TUSC3: variants seen among roughly 807,000 people sequenced by gnomAD.
The protein encoded by TUSC3 is tumor suppressor candidate 3.
TUSC3 carries 45 observed loss-of-function variants against 44.8 expected under a neutral mutation model. That is an observed-to-expected ratio of 1.00 (90% confidence interval 0.79 to 1.29). The LOEUF (loss-of-function observed/expected upper bound fraction) is 1.29. Ranked by LOEUF, TUSC3 falls within the 50% of genes most tolerant of loss-of-function variation. The pLI is 0.00. For missense variants in TUSC3, 519 were observed against 437.9 expected, an observed-to-expected ratio of 1.19 and a Z score of -1.65; for synonymous variants, 212 against 152.9, an observed-to-expected ratio of 1.39 and a Z score of -2.85.
the TUSC3 span, among the ~76,000 whole-genome samples, chr8:15,843,505 T>C: frequency 1.3e-5 from 2 of 151,604 alleles, no homozygotes; most frequent in Non-Finnish European, 1.5e-5. Context: ...GGCAGTTGGA[T>C]AGAAGAGATA....
chr8:15,608,233 G>A (rs1804615762), intron 1 of TUSC3, among the ~76,000 whole-genome samples: 1 of 151,632 alleles, frequency 6.6e-6, no homozygotes, highest in African/African-American at 2.4e-5. Context: ...TGAGTTCTTG[G>A]TTATATTTTA....
At chr8:15,640,800 C>T (rs1806331117) in intron 2 of TUSC3, among the ~76,000 whole-genome samples, 1 of 152,136 alleles carries the variant, frequency 6.6e-6, no homozygotes. Flanking sequence ...GACCTGGCTG[C>T]TGCTCTCATT....
chr8:15,810,580 A>G, the TUSC3 span, among the ~76,000 whole-genome samples: 7 of 151,954 alleles, frequency 4.6e-5, no homozygotes, highest in Admixed American at 4.6e-4. Flanking sequence ...CAAGGCTGCA[A>G]TGAGCCATGA....
Position 15,659,762 on chromosome 8 carries a change from A to C in TUSC3, c.567+115A>C, listed in dbSNP as rs747077947. The C allele has an allele frequency of 2.3e-5, 33 of 1,407,948 alleles. No individual in the cohort carries two copies. The African/African-American group carries it at 2.7e-4, about 11-fold the overall frequency. The allele number at this position is 1,407,948 out of a possible 1,614,324, so 87.2% of individuals were successfully genotyped here. A position where few individuals can be genotyped will look rare whatever the true frequency, so the allele number is the denominator to read the frequency against. Reference sequence around the variant, plus strand: ...TTTCTCTATGGTTGTTTCTCCTTGCATAGAGAAAACTGTTCGATTACTGCA... The same window carrying C: ...TTTCTCTATGGTTGTTTCTCCTTGCCTAGAGAAAACTGTTCGATTACTGCA... On this transcript the variant is annotated intron_variant, in intron 4 of 10. Transcript: ENST00000503731.
At chr8:15,667,335 A>G (rs1177302466) in intron 5 of TUSC3, among the ~76,000 whole-genome samples, 2 of 151,690 alleles carry the variant, frequency 1.3e-5, no homozygotes, top group African/African-American at 4.8e-5. Context: ...AAATAATGAT[A>G]GTATTTCTGT....
chr8:15,643,985 A>C (rs1806502704), intron 2 of TUSC3, among the ~76,000 whole-genome samples: 1 of 152,220 alleles, frequency 6.6e-6, no homozygotes, highest in Non-Finnish European at 1.5e-5. Flanking sequence ...TGGTATTTTC[A>C]TACGAATCTG....
At position 15,746,183 on chromosome 8, in the gene TUSC3, T is replaced by A. The variant is rs78126397; in HGVS notation, c.938-2192T>A. On this transcript the variant is annotated intron_variant, in intron 8 of 10. Coordinates refer to ENST00000503731, the MANE Select transcript of TUSC3 (RefSeq NM_006765.4). ...CCTGTCTTAAGGTAAATAAGAAATT[T>A]GTAGTAAATTTTTAAATCTTACAAT... 7.9e-5 allele frequency among the ~76,000 whole-genome samples: 12 copies of A among 152,210 alleles called. No homozygotes were observed. The East Asian group carries it at 2.3e-3, about 29-fold the overall frequency.
At chr8:15,523,076 C>T (rs1801318834) in intron 2 of TUSC3, among the ~76,000 whole-genome samples, 1 of 152,150 alleles carries the variant, frequency 6.6e-6, no homozygotes, top group African/African-American at 2.4e-5. Flanking sequence ...CATCACAAGT[C>T]ATGGGTAAGT....
chr8:15,422,328 T>G (rs1382844562), intron 1 of TUSC3, among the ~76,000 whole-genome samples: 2 of 152,216 alleles, frequency 1.3e-5, no homozygotes, highest in East Asian at 3.9e-4. Context: ...TTCTGTTGTT[T>G]AACCTAATAC....
chr8:15,486,134 T>C (rs1472728519), intron 2 of TUSC3, among the ~76,000 whole-genome samples: 6 of 152,170 alleles, frequency 3.9e-5, no homozygotes, highest in African/African-American at 1.4e-4. Flanking sequence ...AGATGCACAG[T>C]GACCAATTAG....
intron 6 of TUSC3, among the ~76,000 whole-genome samples, chr8:15,719,410 T>C (rs1810203983): frequency 6.6e-6 from 1 of 151,798 alleles, no homozygotes; most frequent in Admixed American, 6.6e-5. Context: ...TGCAACCTGC[T>C]CCCCATTGTC....
intron 1 of TUSC3, among the ~76,000 whole-genome samples, chr8:15,547,997 T>C (rs911848200): frequency 6.6e-6 from 1 of 151,764 alleles, no homozygotes; most frequent in Admixed American, 6.6e-5. Context: ...TATTTATTTT[T>C]AATTGTTTTT....
chr8:15,454,560 C>A (rs1183638238), intron 1 of TUSC3, among the ~76,000 whole-genome samples: 2 of 152,166 alleles, frequency 1.3e-5, no homozygotes, highest in East Asian at 3.9e-4. Flanking sequence ...CTATTTGTTT[C>A]AATTCTGTCT....
the TUSC3 span, among the ~76,000 whole-genome samples, chr8:15,840,038 T>C: frequency 6.6e-6 from 1 of 152,152 alleles, no homozygotes; most frequent in African/African-American, 2.4e-5. Context: ...CATGGAATAC[T>C]ATGCAGCCAT....
chr8:15,673,118 A>G (rs1249767910), intron 5 of TUSC3, among the ~76,000 whole-genome samples: 1 of 152,118 alleles, frequency 6.6e-6, no homozygotes, highest in Admixed American at 6.6e-5. Context: ...CCTCTCTGCA[A>G]TACCTTGGAT....
chr8:15,693,441 C>CT (rs35915071), intron 6 of TUSC3, among the ~76,000 whole-genome samples: 44,278 of 96,866 alleles, frequency 0.46, 10,432 homozygotes, highest in Admixed American at 0.53. Context: ...GTTGGAAGTT[C>CT]TTTTTTTTTT....
intron 9 of TUSC3, among the ~76,000 whole-genome samples, chr8:15,755,432 G>C (rs543952551): frequency 6.6e-6 from 1 of 151,762 alleles, no homozygotes; most frequent in African/African-American, 2.4e-5. Flanking sequence ...TTTTCTTTAC[G>C]CTAAAGATTA....
At chr8:15,574,044 A>C (rs1037335574) in intron 1 of TUSC3, among the ~76,000 whole-genome samples, 4 of 152,088 alleles carry the variant, frequency 2.6e-5, no homozygotes, top group Admixed American at 1.3e-4. Flanking sequence ...GTTATTCCAG[A>C]CTTTTTTGTT....
chr8:15,590,742 GCT>G (rs1803796327), intron 1 of TUSC3, among the ~76,000 whole-genome samples: 1 of 151,902 alleles, frequency 6.6e-6, no homozygotes, highest in African/African-American at 2.4e-5. Context: ...TGCAATCTTG[GCT>G]CATTGTTGCC....
Sources: allele counts gnomAD v4.1 joint callset (sites outside exome capture counted in the v4.1 genomes callset), GRCh38; gene constraint gnomAD v4.1.1; transcripts MANE v1.5; gene names NCBI Gene and HGNC (gene_info 2026-07-23, HGNC 2026-07-21).